Variants in FSTL4 observed in about 807,000 individuals in gnomAD.
FSTL4 encodes follistatin like 4.
FSTL4 carries 28 observed loss-of-function variants against 78.2 expected under a neutral mutation model. The observed-to-expected ratio is 0.36, with a 90% CI of 0.27 to 0.49. The LOEUF (loss-of-function observed/expected upper bound fraction) is 0.49. Ranked by LOEUF, FSTL4 falls within the 20% of genes least tolerant of loss-of-function variation. FSTL4 has a pLI of 0.98. For synonymous variants in FSTL4, 422 were observed against 440.5 expected (o/e 0.96, Z 0.53); for missense variants, 922 against 1,084.9 (o/e 0.85, Z 2.11).
chr5:133,823,600 G>A, the FSTL4 span, among the ~76,000 whole-genome samples: 1 of 152,208 alleles, frequency 6.6e-6, no homozygotes, highest in Non-Finnish European at 1.5e-5. Flanking sequence ...GTCCCGGACA[G>A]AGTGCCCCTG....
intron 4 of FSTL4, among the ~76,000 whole-genome samples, chr5:133,337,128 G>A (rs1580629585): frequency 1.3e-5 from 2 of 152,232 alleles, no homozygotes; most frequent in Non-Finnish European, 2.9e-5. Flanking sequence ...CGTCCTCTCC[G>A]GTAAGGCCCA....
At chr5:133,245,016 A>G (rs113599771) in intron 7 of FSTL4, among the ~76,000 whole-genome samples, 4,270 of 148,840 alleles carry the variant, frequency 0.029, 88 homozygotes, top group Middle Eastern at 0.059. Flanking sequence ...GCTACTCTGG[A>G]GGCTGTGATG....
At chr5:133,609,485 C>T (rs1463437808) in intron 1 of FSTL4, among the ~76,000 whole-genome samples, 4 of 152,172 alleles carry the variant, frequency 2.6e-5, no homozygotes, top group Non-Finnish European at 4.4e-5. Flanking sequence ...CAAAGGCTTA[C>T]GACCCTAGTT....
intron 6 of FSTL4, among the ~76,000 whole-genome samples, chr5:133,273,164 C>G (rs747864899): frequency 1.3e-5 from 2 of 152,176 alleles, no homozygotes; most frequent in Non-Finnish European, 2.9e-5. Context: ...TATGGCAATG[C>G]AAGCCACATA....
intron 4 of FSTL4, among the ~76,000 whole-genome samples, chr5:133,381,856 C>T (rs766378131): frequency 4.6e-5 from 7 of 152,350 alleles, no homozygotes; most frequent in African/African-American, 9.6e-5. Context: ...TAGTTAAACA[C>T]GCTGGCCGGG....
chr5:133,238,148 T>C (rs1243464591), intron 7 of FSTL4, among the ~76,000 whole-genome samples: 1 of 152,076 alleles, frequency 6.6e-6, no homozygotes, highest in Non-Finnish European at 1.5e-5. Flanking sequence ...TGGAAATGAG[T>C]CATCAATACT....
chr5:133,785,456 G>T, the FSTL4 span, among the ~76,000 whole-genome samples: 1 of 152,190 alleles, frequency 6.6e-6, no homozygotes, highest in Non-Finnish European at 1.5e-5. Flanking sequence ...TCAATACTCA[G>T]CTCAATGCCT....
chr5:133,712,189 G>A, the FSTL4 span, among the ~76,000 whole-genome samples: 49 of 152,304 alleles, frequency 3.2e-4, no homozygotes, highest in African/African-American at 1.1e-3. Context: ...TTATGCAGAC[G>A]TTTCCCATTA....
intron 3 of FSTL4, among the ~76,000 whole-genome samples, chr5:133,439,577 T>C (rs569481351): frequency 6.6e-6 from 1 of 152,156 alleles, no homozygotes; most frequent in Non-Finnish European, 1.5e-5. Context: ...GCTTCAGAGG[T>C]CTTCAAGTGC....
chr5:133,410,026 T>C (rs1413943345), intron 3 of FSTL4, among the ~76,000 whole-genome samples: 2 of 152,208 alleles, frequency 1.3e-5, no homozygotes, highest in African/African-American at 2.4e-5. Context: ...TTGGATGTCT[T>C]TTGGCTACAA....
intron 12 of FSTL4, 21 bp downstream of exon 12, chr5:133,220,727 G>T (rs771351696): frequency 1.7e-6 from 2 of 1,204,664 alleles, no homozygotes; most frequent in Admixed American, 1.7e-5. Flanking sequence ...TGTAGAAGCT[G>T]CCCCAGGCAC....
intron 3 of FSTL4, among the ~76,000 whole-genome samples, chr5:133,541,736 G>C (rs1005623135): frequency 6.6e-6 from 1 of 151,968 alleles, no homozygotes; most frequent in African/African-American, 2.4e-5. Flanking sequence ...ATGATGTTTT[G>C]AGCGCTGCTT....
chr5:133,714,380 C>G, the FSTL4 span, among the ~76,000 whole-genome samples: 1 of 152,196 alleles, frequency 6.6e-6, no homozygotes, highest in Non-Finnish European at 1.5e-5. Flanking sequence ...AAATGCACGC[C>G]TGGACAGTGG....
intron 3 of FSTL4, among the ~76,000 whole-genome samples, chr5:133,437,493 T>G (rs1461914258): frequency 7.0e-6 from 1 of 142,988 alleles, no homozygotes; most frequent in Admixed American, 6.8e-5. Flanking sequence ...GTGTTTTTTT[T>G]TTTTTTTTTT....
intron 3 of FSTL4, among the ~76,000 whole-genome samples, chr5:133,557,336 C>A (rs1759811446): frequency 6.6e-6 from 1 of 152,174 alleles, no homozygotes. Flanking sequence ...ACTCAGAATC[C>A]TTTTAGGGGT....
intron 2 of FSTL4, among the ~76,000 whole-genome samples, chr5:133,576,040 T>G (rs1484299584): frequency 1.3e-5 from 2 of 152,190 alleles, no homozygotes; most frequent in East Asian, 3.8e-4. Context: ...AAATAAAAAA[T>G]TACCATTCTA....
At chr5:133,825,148 G>A in the FSTL4 span, among the ~76,000 whole-genome samples, 1 of 152,118 alleles carries the variant, frequency 6.6e-6, no homozygotes, top group Non-Finnish European at 1.5e-5. Flanking sequence ...AGAGACTCAG[G>A]AGTCAAAACC....
At chr5:133,775,148 T>C in the FSTL4 span, among the ~76,000 whole-genome samples, 2 of 152,230 alleles carry the variant, frequency 1.3e-5, no homozygotes, top group Non-Finnish European at 1.5e-5. Context: ...CAAGTTTCTA[T>C]AGAAGGTCCT....
chr5:133,467,638 G>A (rs1174100786), intron 3 of FSTL4, among the ~76,000 whole-genome samples: 1 of 152,146 alleles, frequency 6.6e-6, no homozygotes, highest in Non-Finnish European at 1.5e-5. Flanking sequence ...ATGGGCAGAA[G>A]ACAGAATCCA....
Sources: gnomAD v4.1 joint callset for allele counts (sites outside exome capture counted in the v4.1 genomes callset) on GRCh38, gnomAD v4.1.1 for gene constraint, MANE v1.5 for transcripts, NCBI Gene and HGNC (gene_info 2026-07-23, HGNC 2026-07-21) for gene names.